The following FHOD3 variants were observed in gnomAD, a reference collection of about 807,000 sequenced individuals.
The protein encoded by FHOD3 is FH1/FH2 domain-containing protein 3.
FHOD3 carries 90 observed loss-of-function variants against 173.0 expected under a neutral mutation model. That is an observed-to-expected ratio of 0.52 (90% CI 0.44 to 0.62). The LOEUF (loss-of-function observed/expected upper bound fraction) is 0.62. FHOD3 is among the 20% of genes least tolerant of loss of function. The pLI is 0.00. For synonymous variants in FHOD3, 828 were observed against 823.0 expected, an observed-to-expected ratio of 1.01 and a Z score of -0.10; for missense variants, 1,945 against 2,034.7, an observed-to-expected ratio of 0.96 and a Z score of 0.85.
intron 24 of FHOD3, 72 bp from the exon 25 acceptor site, chr18:36,755,047 T>A: frequency 2.6e-6 from 2 of 756,490 alleles, no homozygotes; most frequent in Non-Finnish European, 1.9e-6. Flanking sequence ...GGTTTCTTAC[T>A]GAGAGATTTT....
intron 3 of FHOD3, among the ~76,000 whole-genome samples, chr18:36,497,556 A>G (rs1245446598): frequency 6.6e-6 from 1 of 152,252 alleles, no homozygotes; most frequent in Non-Finnish European, 1.5e-5. Context: ...CAAAGTGTCC[A>G]TATTCATATC....
chr18:36,434,570 G>A (rs920806903), intron 3 of FHOD3, among the ~76,000 whole-genome samples: 2 of 152,080 alleles, frequency 1.3e-5, no homozygotes, highest in Non-Finnish European at 2.9e-5. Flanking sequence ...TTAATAATCA[G>A]ATTGTTGATT....
At chr18:36,586,241 G>C (rs904402821) in intron 6 of FHOD3, among the ~76,000 whole-genome samples, 8 of 152,176 alleles carry the variant, frequency 5.3e-5, no homozygotes, top group African/African-American at 1.4e-4. Flanking sequence ...GAAAGAATCA[G>C]ATTGACCTGG....
chr18:36,297,724 T>TGCGAGC lies in FHOD3; in HGVS notation c.-112_-111insGCGAGC, dbSNP rs1324645372. ...AGCCCGGCGCGCCTGAGCCTGCGAG[T>TGCGAGC]CCGCGAGCCAGCGAGCTGCGGCTGC... On this transcript the variant is annotated 5_prime_UTR_variant, in exon 1 of 29. Transcript: ENST00000590592. 7.9e-6 allele frequency: 6 copies of TGCGAGC among 757,276 alleles called. No homozygotes were observed. The highest frequency in any genetic ancestry group is 1.2e-4 in the East Asian group (2 of 16,146). The allele number at this position is 757,276 out of a possible 1,614,324, so 46.9% of individuals were successfully genotyped here.
intron 3 of FHOD3, among the ~76,000 whole-genome samples, chr18:36,385,109 G>A (rs1037877687): frequency 6.6e-6 from 1 of 152,096 alleles, no homozygotes; most frequent in Non-Finnish European, 1.5e-5. Context: ...AACCAGAACT[G>A]GATCACAGAA....
chr18:36,690,723 C>T (rs528113895), intron 16 of FHOD3, among the ~76,000 whole-genome samples: 27 of 132,864 alleles, frequency 2.0e-4, no homozygotes, highest in Admixed American at 9.1e-4. Flanking sequence ...GCCTCTCTGC[C>T]CCGCCATATA....
At chr18:36,745,488 C>T (rs1318288329) in intron 23 of FHOD3, among the ~76,000 whole-genome samples, 1 of 152,180 alleles carries the variant, frequency 6.6e-6, no homozygotes, top group Non-Finnish European at 1.5e-5. Flanking sequence ...CACGACACTG[C>T]GTGTCTTTAT....
In FHOD3 at chr18:36,717,686, G is replaced by A. The variant is rs572572194; in HGVS notation, c.2534-146G>A. 768 of 1,323,292 alleles carry A rather than the reference G, an allele frequency of 5.8e-4. 7 individuals are homozygous for A. The highest frequency in any genetic ancestry group is 9.4e-4 in the South Asian group (43 of 45,808). 82.0% of individuals were successfully genotyped at this position (1,323,292 alleles called of 1,614,324 possible). ...GCAGCATCTCTTCTTGCCCAAGAGC[G>A]CCTTGTCAGCCACGGCTTTGACTGC... On this transcript the variant is annotated intron_variant, in intron 18 of 28. Coordinates refer to ENST00000590592, the MANE Select transcript of FHOD3 (RefSeq NM_001281740.3).
At chr18:36,375,461 G>C (rs1228660913) in intron 3 of FHOD3, among the ~76,000 whole-genome samples, 1 of 152,194 alleles carries the variant, frequency 6.6e-6, no homozygotes, top group Non-Finnish European at 1.5e-5. Context: ...TGTCTCCTGG[G>C]CTTAAAATGC....
chr18:36,683,352 T>A (rs937235354), intron 15 of FHOD3, among the ~76,000 whole-genome samples: 6 of 152,198 alleles, frequency 3.9e-5, no homozygotes, highest in African/African-American at 1.4e-4. Context: ...ATTGAAAACC[T>A]CTTGAAACAG....
intron 9 of FHOD3, 36 bp downstream of exon 9, chr18:36,612,131 C>G (rs748450224): frequency 5.0e-6 from 8 of 1,595,000 alleles, no homozygotes; most frequent in Non-Finnish European, 6.8e-6. Context: ...TATCGTACAG[C>G]TTTGGCAATT....
chr18:36,437,210 T>G (rs1278536474), intron 3 of FHOD3, among the ~76,000 whole-genome samples: 2 of 151,978 alleles, frequency 1.3e-5, no homozygotes, highest in Non-Finnish European at 2.9e-5. Context: ...CTTCGCCTCC[T>G]GGACTCAAGT....
chr18:36,491,438 A>G (rs898877385), intron 3 of FHOD3, among the ~76,000 whole-genome samples: 1 of 152,208 alleles, frequency 6.6e-6, no homozygotes, highest in Non-Finnish European at 1.5e-5. Context: ...CATACTTTAC[A>G]TTAAGGTTCA....
intron 3 of FHOD3, among the ~76,000 whole-genome samples, chr18:36,379,727 AG>A: frequency 6.6e-6 from 1 of 152,348 alleles, no homozygotes; most frequent in Non-Finnish European, 1.5e-5. Context: ...GGTTTTGACT[AG>A]AGTGTCTGCA....
At chr18:36,433,329 G>T (rs908558819) in intron 3 of FHOD3, among the ~76,000 whole-genome samples, 2 of 152,124 alleles carry the variant, frequency 1.3e-5, no homozygotes, top group Non-Finnish European at 2.9e-5. Flanking sequence ...AAGCCTCAAA[G>T]AATTACACAG....
At chr18:36,365,416 C>G (rs2046851952) in intron 2 of FHOD3, among the ~76,000 whole-genome samples, 1 of 152,180 alleles carries the variant, frequency 6.6e-6, no homozygotes, top group Admixed American at 6.5e-5. Flanking sequence ...AAGCCAGACA[C>G]AAAAGGTGAA....
intron 1 of FHOD3, 77 bp from the exon 2 acceptor site, chr18:36,355,462 G>T (rs1304933516): frequency 8.5e-7 from 1 of 1,175,984 alleles, no homozygotes; most frequent in Non-Finnish European, 1.3e-6. Flanking sequence ...ACACAGGAGG[G>T]CAACATGATG....
chr18:36,313,022 C>T (rs1320278586), intron 1 of FHOD3, among the ~76,000 whole-genome samples: 1 of 152,256 alleles, frequency 6.6e-6, no homozygotes, highest in African/African-American at 2.4e-5. Flanking sequence ...GCTGGGAGCT[C>T]CTTGGGTGTC....
At chr18:36,778,768 T>G (rs1257532497) in intron 28 of FHOD3, 1 of 152,154 alleles carries the variant, frequency 6.6e-6, no homozygotes, top group African/African-American at 2.4e-5. Context: ...CTCCTTAGCC[T>G]CCATTCCTCG....
Sources: allele counts gnomAD v4.1 joint callset (sites outside exome capture counted in the v4.1 genomes callset), GRCh38; gene constraint gnomAD v4.1.1; transcripts MANE v1.5; gene names NCBI Gene and HGNC (gene_info 2026-07-23, HGNC 2026-07-21).